The following HERC4 variants were observed in gnomAD, a reference collection of about 807,000 sequenced individuals.
HERC4 encodes probable E3 ubiquitin-protein ligase HERC4.
In HERC4, 28 loss-of-function variants were observed where a neutral mutation model predicts 124.3. The ratio of observed to expected loss-of-function variants is 0.23; its 90% CI spans 0.17 to 0.31. HERC4 has a LOEUF of 0.31. Ranked by LOEUF, HERC4 falls within the 10% of genes least tolerant of loss-of-function variation. The pLI, the probability that HERC4 is intolerant of heterozygous loss-of-function variation, is 1.00. For synonymous variants in HERC4, 407 were observed against 421.5 expected (o/e 0.97, Z 0.42); for missense variants, 713 against 1,229.3 (o/e 0.58, Z 6.28).
intron 15 of HERC4, among the ~76,000 whole-genome samples, chr10:67,970,558 C>T (rs1478456523): frequency 6.6e-6 from 1 of 150,916 alleles, no homozygotes; most frequent in Non-Finnish European, 1.5e-5. Context: ...CACCACTGCA[C>T]TCCACCCTGG....
In HERC4 at chr10:68,061,616, C is replaced by T. The variant is rs867029877; in HGVS notation, c.226+11267G>A. On this transcript the variant is annotated intron_variant, in intron 3 of 24. Coordinates refer to ENST00000373700, the MANE Select transcript of HERC4 (RefSeq NM_015601.4). Reference sequence around the variant, plus strand: ...CAAATGGGCTGGGATCAGTGGCTCACGCCTGTAATCCTAGCACTTTGGGAG... The same window carrying T: ...CAAATGGGCTGGGATCAGTGGCTCATGCCTGTAATCCTAGCACTTTGGGAG... Among the ~76,000 whole-genome samples the T allele has an allele frequency of 4.7e-5, 7 of 148,650 alleles. 1 individual carries two copies. Among genetic ancestry groups the T allele is most frequent in the Non-Finnish European group, 8.9e-5 (6 of 67,498 alleles).
At chr10:67,927,426 ATATATTTTTTTT>A (rs2031226619) in intron 23 of HERC4, among the ~76,000 whole-genome samples, 2 of 8,870 alleles carry the variant, frequency 2.3e-4, no homozygotes, top group African/African-American at 5.4e-4. Context: ...ATATATATAT[ATATATTTTTTTT>A]TTTTTTTAGA....
intron 23 of HERC4, among the ~76,000 whole-genome samples, chr10:67,929,968 A>T (rs1283503376): frequency 6.6e-6 from 1 of 151,796 alleles, no homozygotes; most frequent in Admixed American, 6.6e-5. Flanking sequence ...CACCACACCC[A>T]GCTAATTTTG....
chr10:67,954,699 C>T lies in HERC4; in HGVS notation c.2233G>A (p.Val745Met). 6.2e-7 allele frequency: 1 copy of T among 1,613,586 alleles called. No homozygotes were observed. Among genetic ancestry groups the T allele is most frequent in the Non-Finnish European group, 8.5e-7 (1 of 1,179,728 alleles). ...VGEDAVDAGGVRKEFFLLIMR... is the reference protein window; with the variant it reads ...VGEDAVDAGGMRKEFFLLIMR... ...ATGAGCAAGAAAAATTCTTTGCGCA[C>T]CCCTCCTGCATCCACAGCATCTTCT... The change falls in exon 19 of 25, where the codon GTG (valine) becomes ATG (methionine). Residue 745 changes from valine to methionine, a missense_variant. Val to Met is a conservative substitution (Grantham distance 21). Transcript: ENST00000373700.
intron 19 of HERC4, among the ~76,000 whole-genome samples, chr10:67,944,817 T>C (rs1342859872): frequency 6.6e-6 from 1 of 152,300 alleles, no homozygotes; most frequent in Non-Finnish European, 1.5e-5. Flanking sequence ...TGAAGAATAA[T>C]GCATCAGTGT....
intron 3 of HERC4, among the ~76,000 whole-genome samples, chr10:68,058,925 A>G (rs1004950979): frequency 6.6e-6 from 1 of 152,084 alleles, no homozygotes; most frequent in Non-Finnish European, 1.5e-5. Context: ...TTCTCCATCA[A>G]TCTAACTCTC....
chr10:68,058,630 C>T (rs1240070302), intron 3 of HERC4, among the ~76,000 whole-genome samples: 1 of 152,096 alleles, frequency 6.6e-6, no homozygotes, highest in Non-Finnish European at 1.5e-5. Context: ...CACTCTGTCA[C>T]CAGGCTGGAG....
rs560305428 is a variant in HERC4, at chr10:68,070,081, T to C, written c.226+2802A>G. On this transcript the variant is annotated intron_variant, in intron 3 of 24. Transcript: ENST00000373700. ...AAAACAAAACAAAACAAAAACCTCCTGGGAAATGAACTATGTTTATTACAT... is the reference window on the plus strand; with the variant it reads ...AAAACAAAACAAAACAAAAACCTCCCGGGAAATGAACTATGTTTATTACAT... 1.3e-5 allele frequency: 13 copies of C among 984,740 alleles called. No individual in the cohort carries two copies. In the East Asian group the frequency reaches 1.2e-3, roughly 95 times the overall value. 61.0% of individuals were successfully genotyped at this position (984,740 alleles called of 1,614,324 possible). A position where few individuals can be genotyped will look rare whatever the true frequency, so the allele number is the denominator to read the frequency against.
chr10:68,020,613 C>T lies in HERC4; in HGVS notation c.908+4933G>A, dbSNP rs1384206387. ...TGAAACCCCGTCTCTACTAAAAATA[C>T]AAAAAATTAGCCGGGCGTAGTGGCG... On this transcript the variant is annotated intron_variant, in intron 8 of 24. Coordinates refer to ENST00000373700, the MANE Select transcript of HERC4 (RefSeq NM_015601.4). Among the ~76,000 whole-genome samples, 3 of 151,580 alleles carry T rather than the reference C, an allele frequency of 2.0e-5. No homozygotes were observed. In the East Asian group the frequency reaches 5.8e-4, roughly 29 times the overall value.
chr10:68,039,743 T>C (rs1564580835), intron 4 of HERC4: 6 of 1,271,580 alleles, frequency 4.7e-6, no homozygotes, highest in South Asian at 2.0e-5. Context: ...GAATAAAAAA[T>C]ACATGAACAT....
At chr10:68,006,381 T>TTTTTG (rs1564537768) in intron 9 of HERC4, among the ~76,000 whole-genome samples, 3 of 145,394 alleles carry the variant, frequency 2.1e-5, no homozygotes, top group East Asian at 2.7e-4. Flanking sequence ...TTTTGTTTTT[T>TTTTTG]TTTTTTTTTT....
At chr10:67,947,192 G>A (rs995181029) in intron 19 of HERC4, among the ~76,000 whole-genome samples, 1 of 152,094 alleles carries the variant, frequency 6.6e-6, no homozygotes, top group Non-Finnish European at 1.5e-5. Flanking sequence ...TACAACATAC[G>A]GATGGACCAT....
intron 9 of HERC4, among the ~76,000 whole-genome samples, chr10:68,012,928 G>A (rs1307590868): frequency 6.6e-6 from 1 of 152,100 alleles, no homozygotes; most frequent in African/African-American, 2.4e-5. Context: ...ATAAGACAAT[G>A]CATGACATGA....
rs1201531619 is a variant in HERC4 at position 67,937,241 on chromosome 10, T to C, written c.2572-1006A>G. ...AGGTAAGGTATATTAAAAAAAATACTGTGTGATATGACAAAACTTGGTATG... is the reference window on the plus strand; with the variant it reads ...AGGTAAGGTATATTAAAAAAAATACCGTGTGATATGACAAAACTTGGTATG... On this transcript the variant is annotated intron_variant, in intron 21 of 24. Coordinates refer to ENST00000373700, the MANE Select transcript of HERC4 (RefSeq NM_015601.4). Among the ~76,000 whole-genome samples the C allele has an allele frequency of 2.0e-5, 3 of 152,106 alleles. No individual in the cohort carries two copies. The East Asian group carries it at 5.8e-4, about 29-fold the overall frequency.
chr10:67,927,708 A>T (rs1249086956), intron 23 of HERC4, among the ~76,000 whole-genome samples: 2 of 152,010 alleles, frequency 1.3e-5, no homozygotes, highest in Admixed American at 6.6e-5. Context: ...TACAGGCATG[A>T]GCCACTGCGC....
At chr10:68,016,414 G>A (rs545562425) in intron 8 of HERC4, among the ~76,000 whole-genome samples, 12 of 152,200 alleles carry the variant, frequency 7.9e-5, no homozygotes, top group African/African-American at 2.6e-4. Context: ...GTGCAGTGGC[G>A]TGATCTTGGC....
At chr10:67,976,546 ACAC>A (rs1003920048) in intron 15 of HERC4, among the ~76,000 whole-genome samples, 2 of 152,178 alleles carry the variant, frequency 1.3e-5, no homozygotes, top group Non-Finnish European at 2.9e-5. Context: ...AGCTGCATGG[ACAC>A]CAATTTAACA....
chr10:67,967,965 C>A (rs10997892), intron 15 of HERC4, among the ~76,000 whole-genome samples: 15,681 of 151,620 alleles, frequency 0.1, 899 homozygotes, highest in South Asian at 0.15. Context: ...AATTCTGGTA[C>A]TAAATATGGC....
intron 20 of HERC4, 118 bp downstream of exon 20, chr10:67,940,821 T>C: frequency 3.3e-6 from 3 of 898,626 alleles, no homozygotes; most frequent in Non-Finnish European, 5.0e-6. Context: ...ATTTGTTTAC[T>C]TCAGAAATTT....
Sources: allele counts gnomAD v4.1 joint callset (sites outside exome capture counted in the v4.1 genomes callset), GRCh38; gene constraint gnomAD v4.1.1; transcripts MANE v1.5; gene names NCBI Gene and HGNC (gene_info 2026-07-23, HGNC 2026-07-21).